Variants in SPTBN1 observed in about 807,000 individuals in gnomAD.
The protein encoded by SPTBN1 is spectrin beta chain, non-erythrocytic 1.
SPTBN1 carries 32 observed loss-of-function variants against 266.4 expected under a neutral mutation model. The ratio of observed to expected loss-of-function variants is 0.12; its 90% CI spans 0.09 to 0.16. The LOEUF is 0.16. SPTBN1 is among the 10% of genes least tolerant of loss of function. The probability of loss-of-function intolerance (pLI) is 1.00; values close to 1 mark genes in which losing one functional copy is unlikely to be tolerated. For missense variants in SPTBN1, 2,296 were observed against 3,067.1 expected, an observed-to-expected ratio of 0.75 and a Z score of 5.94; for synonymous variants, 1,336 against 1,162.2, an observed-to-expected ratio of 1.15 and a Z score of -3.04.
chr2:54,578,349 A>G (rs755521168), intron 2 of SPTBN1, among the ~76,000 whole-genome samples: 2 of 152,178 alleles, frequency 1.3e-5, no homozygotes, highest in African/African-American at 2.4e-5. Context: ...TTGACTTTAA[A>G]TATTTTCGAC....
chr2:54,476,187 G>C (rs1184905525), intron 1 of SPTBN1, among the ~76,000 whole-genome samples: 1 of 152,040 alleles, frequency 6.6e-6, no homozygotes, highest in Non-Finnish European at 1.5e-5. Flanking sequence ...AGGGTGCTCT[G>C]TGCCATCCTC....
intron 32 of SPTBN1, chr2:54,661,490 C>G (rs1381319156): frequency 2.0e-6 from 2 of 985,498 alleles, no homozygotes; most frequent in Middle Eastern, 5.2e-4. Flanking sequence ...TTTGTTTTTC[C>G]TTATCTCTAT....
At position 54,533,134 on chromosome 2, in the gene SPTBN1, G is replaced by A. The variant is rs1268085080; in HGVS notation, c.148+6568G>A. On this transcript the variant is annotated intron_variant, in intron 2 of 35. Coordinates refer to ENST00000356805, the MANE Select transcript of SPTBN1 (RefSeq NM_003128.3). This position sits in a 1 kb window ranked among gnomAD's most constrained non-coding sequence, Gnocchi z 4.2. ...ACGGCTGCTAAGTGACTAACAGGGA[G>A]CGTCTGCAGTGTGTGTCTGCTGGAC... 6.6e-6 allele frequency among the ~76,000 whole-genome samples: 1 copy of A among 152,136 alleles called. No individual in the cohort carries two copies. Among genetic ancestry groups the A allele is most frequent in the East Asian group, 1.9e-4 (1 of 5,194 alleles).
chr2:54,661,589 G>A (rs1041381001), intron 32 of SPTBN1: 1 of 985,542 alleles, frequency 1.0e-6, no homozygotes, highest in Non-Finnish European at 1.2e-6. Flanking sequence ...ATCATTATTG[G>A]GTCTCTGCCT....
chr2:54,558,229 AGG>A lies in SPTBN1; in HGVS notation c.148+31667_148+31668del, dbSNP rs139131132. ...CGACCGCGGACCGTGCGGGACCGGT[AGG>A]GGGTCGCGGGCCGGCTAGGCTCCCC... On this transcript the variant is annotated intron_variant, in intron 2 of 35. Coordinates refer to ENST00000356805, the MANE Select transcript of SPTBN1 (RefSeq NM_003128.3). This position sits in a 1 kb window ranked among gnomAD's most constrained non-coding sequence, Gnocchi z 4.6. 2.0e-6 allele frequency: 2 copies of A among 985,164 alleles called. No individual in the cohort carries two copies. Among genetic ancestry groups the A allele is most frequent in the African/African-American group, 3.5e-5 (2 of 57,218 alleles). The allele number at this position is 985,164 out of a possible 1,614,324, so 61.0% of individuals were successfully genotyped here. A position where few individuals can be genotyped will look rare whatever the true frequency, so the allele number is the denominator to read the frequency against.
rs1043875181 is a variant in SPTBN1 at position 54,645,708 on chromosome 2, C to G, written c.4495-220C>G. On this transcript the variant is annotated intron_variant, in intron 21 of 35. Transcript: ENST00000356805. The surrounding 1 kb of genome is among the most constrained non-coding windows in gnomAD (Gnocchi z 4.3). ...ACAGACTTTTTAAAAGTAATGAGGACTCACAGTGAGTTTGACCTTGAGGAT... is the reference window on the plus strand; with the variant it reads ...ACAGACTTTTTAAAAGTAATGAGGAGTCACAGTGAGTTTGACCTTGAGGAT... 1.3e-5 allele frequency among the ~76,000 whole-genome samples: 2 copies of G among 152,108 alleles called. No homozygotes were observed. The highest frequency in any genetic ancestry group is 2.9e-5 in the Non-Finnish European group (2 of 68,018).
At chr2:54,573,349 T>C (rs900122653) in intron 2 of SPTBN1, among the ~76,000 whole-genome samples, 1 of 152,220 alleles carries the variant, frequency 6.6e-6, no homozygotes, top group South Asian at 2.1e-4. Flanking sequence ...TAGATTCTTA[T>C]TAAGGAGTGG....
chr2:54,662,063 A>G (rs1206430769), intron 32 of SPTBN1: 1 of 985,266 alleles, frequency 1.0e-6, no homozygotes, highest in Non-Finnish European at 1.2e-6. Flanking sequence ...CTGTGCTACT[A>G]GTTGTCACGT....
intron 17 of SPTBN1, among the ~76,000 whole-genome samples, chr2:54,637,086 T>G (rs748311435): frequency 6.6e-6 from 1 of 152,234 alleles, no homozygotes; most frequent in Non-Finnish European, 1.5e-5. Context: ...GTTTACCAAA[T>G]TCAGCAGCTC....
In SPTBN1 at chr2:54,649,985, C is replaced by T. The variant is rs1237421079; in HGVS notation, c.5573C>T (p.Thr1858Ile). 1 of 1,606,170 alleles carries T rather than the reference C, an allele frequency of 6.2e-7. No individual in the cohort carries two copies. Among genetic ancestry groups the T allele is most frequent in the African/African-American group, 1.3e-5 (1 of 74,808 alleles). Residue 1858 changes from threonine to isoleucine, a missense_variant, in exon 26 of 36, where the codon ACA becomes ATA. Thr to Ile is a moderately conservative substitution (Grantham distance 89, BLOSUM62 -1). This residue lies in a region of SPTBN1 where 644 missense variants were observed against 745.3 expected (regional missense o/e 0.86). Coordinates refer to ENST00000356805, the MANE Select transcript of SPTBN1 (RefSeq NM_003128.3). The surrounding 1 kb of genome is among the most constrained non-coding windows in gnomAD (Gnocchi z 6.7). ...GAGCATGACATCCAGGCTCTGGGCA[C>T]ACAGGTGGGTATGGCAGCCACCCAG... ...TFEHDIQALG[T>I]QVRQLQEDAA...
chr2:54,631,799 T>A (rs1222863424), intron 16 of SPTBN1, among the ~76,000 whole-genome samples, 188 bp downstream of exon 16: 1 of 152,206 alleles, frequency 6.6e-6, no homozygotes, highest in Non-Finnish European at 1.5e-5. Flanking sequence ...GGACAGGAAT[T>A]GAAAGTTGCC....
chr2:54,513,961 C>T (rs1410264416), intron 1 of SPTBN1, among the ~76,000 whole-genome samples: 4 of 152,244 alleles, frequency 2.6e-5, no homozygotes, highest in African/African-American at 9.6e-5. Flanking sequence ...AATATTAGGA[C>T]TTACAAAATT....
chr2:54,651,498 T>G (rs1680286120), intron 26 of SPTBN1, among the ~76,000 whole-genome samples: 1 of 152,204 alleles, frequency 6.6e-6, no homozygotes, highest in Non-Finnish European at 1.5e-5. Context: ...GAGTACATGG[T>G]GCTTCTTCTT....
intron 1 of SPTBN1, chr2:54,516,424 T>C (rs1363048668): frequency 6.6e-6 from 1 of 152,236 alleles, no homozygotes; most frequent in African/African-American, 2.4e-5. Context: ...TTAGGTTGTG[T>C]TCTTATGGTA....
chr2:54,487,984 C>T (rs938844266), intron 1 of SPTBN1, among the ~76,000 whole-genome samples: 40 of 151,962 alleles, frequency 2.6e-4, no homozygotes, highest in African/African-American at 9.4e-4. Flanking sequence ...CGCCTGCCAC[C>T]ACACCCGGCT....
intron 2 of SPTBN1, among the ~76,000 whole-genome samples, chr2:54,568,680 AAC>A (rs769631712): frequency 7.2e-5 from 11 of 152,200 alleles, no homozygotes; most frequent in Non-Finnish European, 1.0e-4. Context: ...GAGGTAAAAA[AAC>A]AGTTTCTTTT....
At chr2:54,550,897 T>C (rs1037431109) in intron 2 of SPTBN1, among the ~76,000 whole-genome samples, 38 of 152,216 alleles carry the variant, frequency 2.5e-4, no homozygotes, top group Admixed American at 1.2e-3. Flanking sequence ...ATGAGTTGAC[T>C]TGGGCTCTCT....
At chr2:54,610,299 T>C (rs1285712883) in intron 3 of SPTBN1, among the ~76,000 whole-genome samples, 1 of 152,272 alleles carries the variant, frequency 6.6e-6, no homozygotes, top group African/African-American at 2.4e-5. Context: ...CCTTAGATCC[T>C]TCACCTTCCT....
intron 1 of SPTBN1, among the ~76,000 whole-genome samples, chr2:54,481,176 G>A (rs1419531475): frequency 6.6e-6 from 1 of 151,356 alleles, no homozygotes; most frequent in Non-Finnish European, 1.5e-5. Flanking sequence ...TAAAATCCTA[G>A]AAATGAAGAA....
Sources: gnomAD v4.1 joint callset for allele counts (sites outside exome capture counted in the v4.1 genomes callset) on GRCh38, gnomAD v4.1.1 for gene constraint, gnomAD v4.1.1 regional missense constraint, Gnocchi (gnomAD v3.1) non-coding constraint, MANE v1.5 for transcripts, NCBI Gene and HGNC (gene_info 2026-07-23, HGNC 2026-07-21) for gene names.